The following QTMAN variants were observed in gnomAD, a reference collection of about 807,000 sequenced individuals.
The protein encoded by QTMAN is tRNA-queuosine alpha-mannosyltransferase.
chr2:144,135,741 A>G, the QTMAN span, among the ~76,000 whole-genome samples: 3 of 152,180 alleles, frequency 2.0e-5, no homozygotes, highest in Admixed American at 6.6e-5. Flanking sequence ...TCTTTGTGAG[A>G]CAGGTAGTTA....
At chr2:144,126,619 T>C in the QTMAN span, among the ~76,000 whole-genome samples, 1 of 152,052 alleles carries the variant, frequency 6.6e-6, no homozygotes. Context: ...ATCATTTTTT[T>C]CCCTCATCAA....
the QTMAN span, among the ~76,000 whole-genome samples, chr2:144,037,206 C>G: frequency 6.6e-6 from 1 of 152,094 alleles, no homozygotes; most frequent in Non-Finnish European, 1.5e-5. Flanking sequence ...TGTTTTAGAA[C>G]TAAATAGAAA....
chr2:144,289,127 G>C, the QTMAN span, among the ~76,000 whole-genome samples: 2 of 146,200 alleles, frequency 1.4e-5, no homozygotes, highest in Non-Finnish European at 3.0e-5. Context: ...TCCGCCTCCC[G>C]GGTTCACGCC....
At chr2:144,134,819 AT>A in the QTMAN span, among the ~76,000 whole-genome samples, 2 of 152,166 alleles carry the variant, frequency 1.3e-5, no homozygotes, top group East Asian at 3.9e-4. Flanking sequence ...TCATCTCCTC[AT>A]TAAAAAATAA....
chr2:144,168,771 T>C, the QTMAN span, among the ~76,000 whole-genome samples: 5 of 152,230 alleles, frequency 3.3e-5, no homozygotes, highest in South Asian at 1.0e-3. Flanking sequence ...AAGAAAGTTA[T>C]AAAATGTTAA....
At chr2:144,274,906 C>A in the QTMAN span, among the ~76,000 whole-genome samples, 2 of 152,050 alleles carry the variant, frequency 1.3e-5, no homozygotes, top group Non-Finnish European at 2.9e-5. Flanking sequence ...TTGTAGGGAG[C>A]AGTACTGCGG....
chr2:144,295,803 G>A, the QTMAN span, among the ~76,000 whole-genome samples: 2 of 151,522 alleles, frequency 1.3e-5, no homozygotes, highest in Non-Finnish European at 2.9e-5. Context: ...TTGTAGAGAC[G>A]GGATCTCACT....
At chr2:144,240,263 T>C in the QTMAN span, among the ~76,000 whole-genome samples, 1 of 152,228 alleles carries the variant, frequency 6.6e-6, no homozygotes, top group Non-Finnish European at 1.5e-5. Flanking sequence ...AACATTTGCA[T>C]AGGGATTTAT....
At chr2:143,960,994 A>G in the QTMAN span, among the ~76,000 whole-genome samples, 2 of 152,106 alleles carry the variant, frequency 1.3e-5, no homozygotes, top group Admixed American at 1.3e-4. Context: ...TCTTCTTTGG[A>G]ATGACTTTAT....
At chr2:144,277,609 A>G in the QTMAN span, among the ~76,000 whole-genome samples, 11 of 152,144 alleles carry the variant, frequency 7.2e-5, no homozygotes, top group African/African-American at 2.7e-4. Flanking sequence ...AACAGGATCT[A>G]TTTAGATTCT....
chr2:144,251,131 ACACTGTTTC>A, the QTMAN span, among the ~76,000 whole-genome samples: 1 of 152,108 alleles, frequency 6.6e-6, no homozygotes, highest in South Asian at 2.1e-4. Context: ...TTCCATTGTG[ACACTGTTTC>A]CGCTGCATAC....
the QTMAN span, among the ~76,000 whole-genome samples, chr2:143,977,460 CT>C: frequency 6.6e-6 from 1 of 152,158 alleles, no homozygotes; most frequent in Non-Finnish European, 1.5e-5. Context: ...ATGCACTATG[CT>C]TCTGGAGAAA....
the QTMAN span, among the ~76,000 whole-genome samples, chr2:144,172,163 GTATT>G: frequency 6.6e-6 from 1 of 152,046 alleles, no homozygotes; most frequent in Admixed American, 6.6e-5. Context: ...AAACATAGCA[GTATT>G]TAGATTTTTT....
At chr2:144,039,201 C>T in the QTMAN span, among the ~76,000 whole-genome samples, 2 of 152,318 alleles carry the variant, frequency 1.3e-5, no homozygotes, top group Middle Eastern at 3.4e-3. Flanking sequence ...GGCTCACTTA[C>T]TGCAGAATTC....
At chr2:144,135,690 T>C in the QTMAN span, among the ~76,000 whole-genome samples, 4 of 152,296 alleles carry the variant, frequency 2.6e-5, no homozygotes, top group Middle Eastern at 3.4e-3. Context: ...AAATCATTTG[T>C]TCTTTACTGG....
chr2:144,055,290 T>A, the QTMAN span, among the ~76,000 whole-genome samples: 1 of 151,020 alleles, frequency 6.6e-6, no homozygotes, highest in Non-Finnish European at 1.5e-5. Flanking sequence ...TGGTGACAAG[T>A]ATTCACCTCC....
the QTMAN span, among the ~76,000 whole-genome samples, chr2:144,243,448 A>T: frequency 2.0e-5 from 3 of 152,210 alleles, no homozygotes; most frequent in Non-Finnish European, 2.9e-5. Context: ...ATAAATGTGA[A>T]TGGAATTTGC....
chr2:144,238,542 T>C, the QTMAN span, among the ~76,000 whole-genome samples: 6 of 152,042 alleles, frequency 3.9e-5, no homozygotes, highest in Non-Finnish European at 7.4e-5. Flanking sequence ...CATATGAAAA[T>C]TCTCCTGTCT....
the QTMAN span, among the ~76,000 whole-genome samples, chr2:144,098,093 A>G: frequency 6.6e-6 from 1 of 152,224 alleles, no homozygotes; most frequent in East Asian, 1.9e-4. Flanking sequence ...CGGAGGTGCT[A>G]TGTAAGCTTC....
Sources: gnomAD v4.1 joint callset for allele counts (sites outside exome capture counted in the v4.1 genomes callset) on GRCh38, gnomAD v4.1.1 for gene constraint, MANE v1.5 for transcripts, NCBI Gene and HGNC (gene_info 2026-07-23, HGNC 2026-07-21) for gene names.